Variants in LINC00305 observed in about 807,000 individuals in gnomAD.
The protein encoded by LINC00305 is long intergenic non-protein coding RNA 305.
rs543052723 is a variant in LINC00305, at chr18:64,118,453, C to G, written n.315-19813G>C. ...TTTTAATTATTTTTAATGTCTCTAA[C>G]TTAAAAATATATACATTATATGGAT... On this transcript the variant is annotated intron_variant and non_coding_transcript_variant, in intron 1 of 3. Transcript: ENST00000666468. Among the ~76,000 whole-genome samples, 20 of 152,128 alleles carry G rather than the reference C, an allele frequency of 1.3e-4. No individual in the cohort carries two copies. The South Asian group carries it at 3.9e-3, about 30-fold the overall frequency.
intron 1 of LINC00305, among the ~76,000 whole-genome samples, chr18:64,117,750 T>C (rs1454127235): frequency 1.3e-5 from 2 of 152,170 alleles, no homozygotes; most frequent in African/African-American, 4.8e-5. Flanking sequence ...ACTCTCCGCC[T>C]CTCCAGTGAG....
At chr18:64,116,737 AT>A (rs1568111798) in intron 1 of LINC00305, among the ~76,000 whole-genome samples, 2 of 152,118 alleles carry the variant, frequency 1.3e-5, no homozygotes, top group African/African-American at 4.8e-5. Flanking sequence ...TTTTTGCAAA[AT>A]TTTACAAAAT....
intron 1 of LINC00305, among the ~76,000 whole-genome samples, chr18:64,122,538 A>G (rs2051366620): frequency 6.6e-6 from 1 of 152,028 alleles, no homozygotes; most frequent in Admixed American, 6.6e-5. Context: ...TGTTCCACCA[A>G]TCTATGTGTC....
exon 1 of LINC00305, chr18:64,148,848 G>A (rs954193208): frequency 2.0e-5 from 3 of 152,332 alleles, no homozygotes; most frequent in African/African-American, 4.8e-5. Context: ...GGTTTCAGTG[G>A]TCCTGGAATC....
At chr18:64,105,584 G>A (rs1455918123) in intron 1 of LINC00305, among the ~76,000 whole-genome samples, 4 of 152,142 alleles carry the variant, frequency 2.6e-5, no homozygotes, top group East Asian at 1.9e-4. Flanking sequence ...GTACGTGCAC[G>A]TGTGTGTACG....
chr18:64,119,049 A>T (rs546616454), intron 1 of LINC00305, among the ~76,000 whole-genome samples: 5 of 152,306 alleles, frequency 3.3e-5, no homozygotes, highest in African/African-American at 1.2e-4. Flanking sequence ...ATACAAGTAT[A>T]CAAAAAAAAA....
chr18:64,095,143 C>T (rs1018211326), intron 3 of LINC00305, among the ~76,000 whole-genome samples: 1 of 152,026 alleles, frequency 6.6e-6, no homozygotes, highest in African/African-American at 2.4e-5. Flanking sequence ...AAAAAATACC[C>T]CTTTTGAGCT....
At chr18:64,145,604 C>A (rs1356680614) in intron 1 of LINC00305, among the ~76,000 whole-genome samples, 3 of 152,134 alleles carry the variant, frequency 2.0e-5, no homozygotes, top group African/African-American at 7.2e-5. Context: ...TTAGTGGAGA[C>A]AGGGTTTCAA....
At chr18:64,091,742 A>G (rs2051225669) in intron 3 of LINC00305, among the ~76,000 whole-genome samples, 1 of 152,216 alleles carries the variant, frequency 6.6e-6, no homozygotes, top group Non-Finnish European at 1.5e-5. Context: ...ATTTAGACAT[A>G]TCTGAAAGCA....
intron 1 of LINC00305, among the ~76,000 whole-genome samples, chr18:64,137,015 T>G (rs1043723796): frequency 2.6e-5 from 4 of 152,214 alleles, no homozygotes; most frequent in Non-Finnish European, 5.9e-5. Flanking sequence ...GAACCTATAA[T>G]GTGACTTATT....
At chr18:64,104,083 G>A (rs1216588243) in intron 1 of LINC00305, 2 of 152,212 alleles carry the variant, frequency 1.3e-5, no homozygotes, top group Non-Finnish European at 1.5e-5. Flanking sequence ...TCTTTTGCAA[G>A]GACCTATGGA....
chr18:64,134,089 C>A (rs532164080), intron 1 of LINC00305, among the ~76,000 whole-genome samples: 3 of 152,104 alleles, frequency 2.0e-5, no homozygotes, highest in African/African-American at 7.2e-5. Context: ...TTTTGTACCA[C>A]GCTAGACTCT....
Position 64,143,843 on chromosome 18 carries a change from T to TATAC in LINC00305, n.314+4928_314+4931dup, listed in dbSNP as rs143221175. ...TACACAGAGATAATTCTTATGTATG[T>TATAC]ATACATACATACATACATACATACA... On this transcript the variant is annotated intron_variant and non_coding_transcript_variant, in intron 1 of 3. Transcript: ENST00000666468. Among the ~76,000 whole-genome samples the TATAC allele has an allele frequency of 2.8e-3, 425 of 150,310 alleles. 4 individuals carry two copies. The highest frequency in any genetic ancestry group is 9.8e-3 in the South Asian group (47 of 4,784).
At chr18:64,118,230 T>C (rs1460913081) in intron 1 of LINC00305, among the ~76,000 whole-genome samples, 1 of 152,176 alleles carries the variant, frequency 6.6e-6, no homozygotes, top group African/African-American at 2.4e-5. Flanking sequence ...ACATGCACAA[T>C]TATGTGATAT....
intron 1 of LINC00305, among the ~76,000 whole-genome samples, chr18:64,124,013 C>T (rs1000466110): frequency 2.6e-5 from 4 of 152,004 alleles, no homozygotes; most frequent in Non-Finnish European, 5.9e-5. Flanking sequence ...ATGCAGGTAC[C>T]CAGTCTTGAG....
chr18:64,088,094 C>G (rs976211300), intron 3 of LINC00305, among the ~76,000 whole-genome samples: 6 of 151,808 alleles, frequency 4.0e-5, no homozygotes, highest in African/African-American at 1.5e-4. Flanking sequence ...GAGCCGAGAT[C>G]GCACCACTGC....
rs547937384 is a variant in LINC00305, at chr18:64,103,373, A to AG, written n.315-4734dup. ...CAATTATTTTTTCCTAAGCAGCCTG[A>AG]GGATAGCATTTCTTATTCACAGTCT... On this transcript the variant is annotated intron_variant and non_coding_transcript_variant, in intron 1 of 3. Coordinates refer to ENST00000666468, the Ensembl canonical transcript of LINC00305. 2.8e-3 allele frequency among the ~76,000 whole-genome samples: 420 copies of AG among 152,286 alleles called. 3 individuals are homozygous for AG. The highest frequency in any genetic ancestry group is 5.4e-3 in the Non-Finnish European group (368 of 68,022).
chr18:64,122,151 C>A (rs1289127131), intron 1 of LINC00305, among the ~76,000 whole-genome samples: 4 of 151,968 alleles, frequency 2.6e-5, no homozygotes, highest in African/African-American at 9.7e-5. Context: ...GTTCACTCTA[C>A]TGATTATTTC....
At chr18:64,143,456 T>C (rs1250924019) in intron 1 of LINC00305, among the ~76,000 whole-genome samples, 1 of 145,694 alleles carries the variant, frequency 6.9e-6, no homozygotes, top group African/African-American at 2.7e-5. Context: ...TAGTAGTAGA[T>C]GGCCTAGTAT....
Sources: allele counts gnomAD v4.1 joint callset (sites outside exome capture counted in the v4.1 genomes callset), GRCh38; gene constraint gnomAD v4.1.1; transcripts MANE v1.5; gene names NCBI Gene and HGNC (gene_info 2026-07-23, HGNC 2026-07-21).